Variants in PLA2R1 observed in about 807,000 individuals in gnomAD.
The protein encoded by PLA2R1 is secretory phospholipase A2 receptor.
In PLA2R1, 158 loss-of-function variants were observed where a neutral mutation model predicts 195.9. The ratio of observed to expected loss-of-function variants is 0.81; its 90% confidence interval spans 0.71 to 0.92. PLA2R1 has a LOEUF of 0.92. PLA2R1 is among the 40% of genes least tolerant of loss of function. PLA2R1 has a pLI of 0.00. For missense variants in PLA2R1, 1,626 were observed against 1,764.6 expected (o/e 0.92, Z 1.41); for synonymous variants, 586 against 598.2 (o/e 0.98, Z 0.30).
At chr2:160,000,597 T>C (rs144610550) in intron 11 of PLA2R1, among the ~76,000 whole-genome samples, 37 of 152,228 alleles carry the variant, frequency 2.4e-4, no homozygotes, top group Admixed American at 3.9e-4. Flanking sequence ...AACAGACCCA[T>C]ACAACTTCAG....
chr2:159,926,901 C>T, the PLA2R1 span, among the ~76,000 whole-genome samples: 6 of 152,082 alleles, frequency 3.9e-5, no homozygotes, highest in Admixed American at 6.5e-5. Flanking sequence ...ACTGCGTCCC[C>T]GGTGGAGGAA....
Position 160,059,590 on chromosome 2 carries a change from G to A in PLA2R1, c.109+2705C>T, listed in dbSNP as rs114615747. ...CTCAGATCGTCTAGCTCTGAAGCCC[G>A]AGAACTTAACTACTATATAATACTG... On this transcript the variant is annotated intron_variant, in intron 1 of 29. Coordinates refer to ENST00000283243, the MANE Select transcript of PLA2R1 (RefSeq NM_007366.5). Among the ~76,000 whole-genome samples the A allele has an allele frequency of 5.7e-3, 863 of 152,206 alleles. 9 individuals are homozygous for A. Among genetic ancestry groups the A allele is most frequent in the African/African-American group, 0.019 (793 of 41,516 alleles).
chr2:160,037,808 T>C (rs1284524632), intron 3 of PLA2R1, among the ~76,000 whole-genome samples: 2 of 152,218 alleles, frequency 1.3e-5, no homozygotes, highest in East Asian at 3.8e-4. Flanking sequence ...AAACCTTCCA[T>C]GACTCCCAAT....
Position 159,941,645 on chromosome 2 carries a change from C to G in PLA2R1, c.*133G>C, listed in dbSNP as rs1446273692. 1 of 598,264 alleles carries G rather than the reference C, an allele frequency of 1.7e-6. No individual in the cohort carries two copies. Among genetic ancestry groups the G allele is most frequent in the African/African-American group, 1.9e-5 (1 of 53,690 alleles). 37.1% of individuals were successfully genotyped at this position (598,264 alleles called of 1,614,324 possible). ...GGTTAAGATTCAAAACCAGTAATCA[C>G]TTCAAGAATAATTAAAATAGTGACC... On this transcript the variant is annotated 3_prime_UTR_variant, in exon 30 of 30. Coordinates refer to ENST00000283243, the MANE Select transcript of PLA2R1 (RefSeq NM_007366.5).
intron 4 of PLA2R1, 111 bp downstream of exon 4, chr2:160,032,847 AG>A (rs1693941277): frequency 9.8e-6 from 9 of 921,000 alleles, no homozygotes; most frequent in South Asian, 8.0e-5. Flanking sequence ...TATTATGGAA[AG>A]AAAAATATTT....
intron 11 of PLA2R1, among the ~76,000 whole-genome samples, chr2:159,995,121 T>C (rs1558881247): frequency 6.6e-6 from 1 of 152,064 alleles, no homozygotes; most frequent in African/African-American, 2.4e-5. Context: ...AGGAAAGAAA[T>C]GTGATTTAGG....
intron 8 of PLA2R1, among the ~76,000 whole-genome samples, chr2:160,018,755 C>T (rs927082420): frequency 6.6e-6 from 1 of 152,206 alleles, no homozygotes; most frequent in Admixed American, 6.5e-5. Flanking sequence ...GAGACACTGC[C>T]TTAGCATGTA....
At chr2:160,048,902 G>A (rs1442222462) in intron 1 of PLA2R1, among the ~76,000 whole-genome samples, 1 of 148,350 alleles carries the variant, frequency 6.7e-6, no homozygotes, top group Non-Finnish European at 1.5e-5. Context: ...GTGCAGTGGC[G>A]GGATCTCGGC....
chr2:159,944,887 ACT>A lies in PLA2R1; in HGVS notation c.4144+17_4144+18del, dbSNP rs1274289277. 2 of 1,581,640 alleles carry A rather than the reference ACT, an allele frequency of 1.3e-6. No individual in the cohort carries two copies. The highest frequency in any genetic ancestry group is 1.7e-6 in the Non-Finnish European group (2 of 1,151,914). On this transcript the variant is annotated intron_variant, in intron 28 of 29. Coordinates refer to ENST00000283243, the MANE Select transcript of PLA2R1 (RefSeq NM_007366.5). ...TAAGGTAGAATCAAAATGAAGAATT[ACT>A]CTCTGACTTTACCTACCTGCCTCCA... is the stretch of plus-strand genomic sequence containing the variant.
rs1486280320 is a variant in PLA2R1, at chr2:159,935,691, T to G, written c.*6087A>C. 2 of 152,172 alleles carry G rather than the reference T, an allele frequency of 1.3e-5. No homozygotes were observed. The highest frequency in any genetic ancestry group is 6.5e-5 in the Admixed American group (1 of 15,278). 9.4% of individuals were successfully genotyped at this position (152,172 alleles called of 1,614,324 possible). A position where few individuals can be genotyped will look rare whatever the true frequency, so the allele number is the denominator to read the frequency against. Reference sequence around the variant, plus strand: ...ATCTTGTATTTTCCTGCCTTAGACCTGCAATCAACCACTTTCTCAAGAAGC... The same window carrying G: ...ATCTTGTATTTTCCTGCCTTAGACCGGCAATCAACCACTTTCTCAAGAAGC... On this transcript the variant is annotated 3_prime_UTR_variant, in exon 30 of 30. Transcript: ENST00000283243.
At chr2:159,974,045 G>A (rs1033165147) in intron 17 of PLA2R1, among the ~76,000 whole-genome samples, 3 of 152,048 alleles carry the variant, frequency 2.0e-5, no homozygotes, top group Admixed American at 1.3e-4. Flanking sequence ...TGAATTAAGA[G>A]GAAAGGTGAA....
At chr2:159,994,730 T>G (rs1425652457) in intron 11 of PLA2R1, among the ~76,000 whole-genome samples, 1 of 152,018 alleles carries the variant, frequency 6.6e-6, no homozygotes, top group Non-Finnish European at 1.5e-5. Flanking sequence ...CCACAGTGGT[T>G]CTACTACTGG....
At position 159,977,347 on chromosome 2, in the gene PLA2R1, T is replaced by C. The variant is rs960753388; in HGVS notation, c.2338A>G (p.Asn780Asp). Reference sequence around the variant, plus strand: ...CAGTGTAAGGGCAGCAATGTTTTGTTTGCCTTATAAACAGCACAGTTTCTT... The same window carrying C: ...CAGTGTAAGGGCAGCAATGTTTTGTCTGCCTTATAAACAGCACAGTTTCTT... The part of the protein sequence containing the change: ...DARNCAVYKA[N>D]KTLLPLHCGS... Residue 780 changes from asparagine to aspartate, a missense_variant, in exon 15 of 30, where the codon AAC becomes GAC. Physicochemically the swap from Asn to Asp is conservative, Grantham distance 23. Coordinates refer to ENST00000283243, the MANE Select transcript of PLA2R1 (RefSeq NM_007366.5). The C allele has an allele frequency of 1.2e-6, 2 of 1,613,208 alleles. No homozygotes were observed. Among genetic ancestry groups the C allele is most frequent in the East Asian group, 2.2e-5 (1 of 44,862 alleles).
intron 11 of PLA2R1, among the ~76,000 whole-genome samples, chr2:159,990,562 C>A (rs1220246545): frequency 1.3e-5 from 2 of 152,156 alleles, no homozygotes; most frequent in Admixed American, 1.3e-4. Context: ...TGCAACAACC[C>A]TTTACATCCT....
chr2:160,016,582 T>A, intron 9 of PLA2R1, 32 bp downstream of exon 9: 1 of 1,040,114 alleles, frequency 9.6e-7, no homozygotes, highest in Non-Finnish European at 1.5e-6. Context: ...ATGAAGTCCC[T>A]GTACCTAAAT....
chr2:160,024,777 C>T (rs1462736546), intron 6 of PLA2R1, among the ~76,000 whole-genome samples: 1 of 152,188 alleles, frequency 6.6e-6, no homozygotes, highest in Non-Finnish European at 1.5e-5. Flanking sequence ...TAGCACCTTG[C>T]CTTCCTGGAA....
intron 17 of PLA2R1, 43 bp from the exon 18 acceptor site, chr2:159,970,255 C>A (rs771721357): frequency 5.0e-6 from 7 of 1,402,048 alleles, no homozygotes; most frequent in Admixed American, 1.7e-5. Flanking sequence ...ACTTGTTTTC[C>A]TTTTTCACTA....
intron 11 of PLA2R1, among the ~76,000 whole-genome samples, chr2:159,989,076 C>T (rs1690565083): frequency 6.6e-6 from 1 of 152,144 alleles, no homozygotes; most frequent in Non-Finnish European, 1.5e-5. Context: ...AAAGAGGAAA[C>T]ACGCTATCCC....
At chr2:159,956,040 G>A (rs1244313812) in intron 21 of PLA2R1, among the ~76,000 whole-genome samples, 1 of 152,122 alleles carries the variant, frequency 6.6e-6, no homozygotes, top group Non-Finnish European at 1.5e-5. Flanking sequence ...TGGATAACCT[G>A]AGATTTCATC....
Sources: allele counts gnomAD v4.1 joint callset (sites outside exome capture counted in the v4.1 genomes callset), GRCh38; gene constraint gnomAD v4.1.1; transcripts MANE v1.5; gene names NCBI Gene and HGNC (gene_info 2026-07-23, HGNC 2026-07-21).